Variants in F5 observed in about 807,000 individuals in gnomAD.
The protein encoded by F5 is activated protein c cofactor.
In F5, 138 loss-of-function variants were observed where a neutral mutation model predicts 216.4. The observed-to-expected ratio is 0.64, with a 90% CI of 0.56 to 0.73. The LOEUF is 0.73. F5 is among the 30% of genes least tolerant of loss of function. The pLI, the probability that F5 is intolerant of heterozygous loss-of-function variation, is 0.00. For synonymous variants in F5, 916 were observed against 930.7 expected, an observed-to-expected ratio of 0.98 and a Z score of 0.29; for missense variants, 2,403 against 2,674.0, an observed-to-expected ratio of 0.90 and a Z score of 2.24.
chr1:169,560,828 C>G, intron 3 of F5, 62 bp from the exon 4 acceptor site: 1 of 1,479,528 alleles, frequency 6.8e-7, no homozygotes, highest in South Asian at 1.1e-5. Flanking sequence ...TTTCACCACT[C>G]TCAAATCTGG....
intron 21 of F5, among the ~76,000 whole-genome samples, chr1:169,521,233 C>T (rs1433161902): frequency 2.0e-5 from 3 of 152,184 alleles, no homozygotes; most frequent in African/African-American, 7.2e-5. Flanking sequence ...GGAGCCTAGA[C>T]TTCTATGCTC....
intron 3 of F5, among the ~76,000 whole-genome samples, chr1:169,569,420 A>C (rs1280577406): frequency 6.6e-6 from 1 of 152,112 alleles, no homozygotes; most frequent in Non-Finnish European, 1.5e-5. Flanking sequence ...ATATAACTAA[A>C]AGAAAAGAAT....
intron 21 of F5, 37 bp from the exon 22 acceptor site, chr1:169,520,701 G>T (rs777954671): frequency 7.0e-6 from 11 of 1,564,530 alleles, no homozygotes; most frequent in Middle Eastern, 1.7e-4. Flanking sequence ...ATGTAACAAT[G>T]ATCTATAAAG....
chr1:169,534,643 G>A (rs1659665086), intron 14 of F5, among the ~76,000 whole-genome samples: 1 of 151,516 alleles, frequency 6.6e-6, no homozygotes, highest in South Asian at 2.1e-4. Flanking sequence ...ACTCCAGCCT[G>A]GGCGACAGAG....
chr1:169,559,015 A>C (rs1042612838), intron 5 of F5, 138 bp downstream of exon 5: 4 of 937,050 alleles, frequency 4.3e-6, no homozygotes, highest in Non-Finnish European at 3.3e-6. Flanking sequence ...TAAAAAAAAA[A>C]AGAGAAAATA....
intron 2 of F5, among the ~76,000 whole-genome samples, chr1:169,580,641 C>T (rs1373756115): frequency 6.6e-6 from 1 of 151,904 alleles, no homozygotes; most frequent in Non-Finnish European, 1.5e-5. Context: ...GCCTTGGCCT[C>T]CCAAAGTGCA....
In F5 at chr1:169,550,677, C is replaced by T. The variant is rs761630241; in HGVS notation, c.1359G>A (p.Ser453=). 14 of 1,613,910 alleles carry T rather than the reference C, an allele frequency of 8.7e-6. No individual in the cohort carries two copies. Among genetic ancestry groups the T allele is most frequent in the Admixed American group, 8.3e-5 (5 of 60,002 alleles). Residue 453 remains serine (S), a synonymous_variant, in exon 9 of 25, where the codon TCG becomes TCA. Transcript: ENST00000367797. ...YSIYPHGVTF[S]PYEDEVNSSF... is the part of the protein sequence containing the mutation. Reference sequence around the variant, plus strand: ...AAGAGTTGACTTCATCTTCATAAGGCGAGAAGGTCACTCCATGAGGGTAAA... The same window carrying T: ...AAGAGTTGACTTCATCTTCATAAGGTGAGAAGGTCACTCCATGAGGGTAAA...
chr1:169,569,098 A>C (rs1246380083), intron 3 of F5, among the ~76,000 whole-genome samples: 4 of 152,088 alleles, frequency 2.6e-5, no homozygotes, highest in Non-Finnish European at 5.9e-5. Context: ...AAATATACAA[A>C]CTATAGCCGT....
intron 3 of F5, among the ~76,000 whole-genome samples, chr1:169,568,224 T>C (rs1454382936): frequency 6.6e-6 from 1 of 152,142 alleles, no homozygotes; most frequent in Non-Finnish European, 1.5e-5. Flanking sequence ...ATGAATGATG[T>C]TAATTAAGTT....
chr1:169,521,422 G>A (rs1186312976), intron 21 of F5, among the ~76,000 whole-genome samples: 1 of 152,122 alleles, frequency 6.6e-6, no homozygotes, highest in African/African-American at 2.4e-5. Context: ...TTCTTAGGTG[G>A]CAATGGAGTG....
intron 23 of F5, among the ~76,000 whole-genome samples, chr1:169,516,477 T>C (rs1218491683): frequency 2.6e-5 from 4 of 152,240 alleles, no homozygotes; most frequent in Non-Finnish European, 4.4e-5. Context: ...TGTGTATATA[T>C]AGGTGTATGT....
At chr1:169,551,924 A>G (rs1269611006) in intron 8 of F5, among the ~76,000 whole-genome samples, 1 of 152,244 alleles carries the variant, frequency 6.6e-6, no homozygotes, top group Non-Finnish European at 1.5e-5. Context: ...AGAGAGCTGC[A>G]TACCTAGACT....
At chr1:169,562,204 T>C (rs7540556) in intron 3 of F5, among the ~76,000 whole-genome samples, 104,517 of 152,062 alleles carry the variant, frequency 0.69, 37,530 homozygotes, top group African/African-American at 0.89. Context: ...CAATGCCCTC[T>C]GGGCCCAGAC....
intron 2 of F5, among the ~76,000 whole-genome samples, chr1:169,580,632 C>T (rs969691153): frequency 6.6e-6 from 1 of 152,050 alleles, no homozygotes; most frequent in East Asian, 1.9e-4. Flanking sequence ...GATCCATCTG[C>T]CTTGGCCTCC....
rs1376064319 is a variant in F5 at position 169,555,268 on chromosome 1, C to A, written c.1032G>T (p.Arg344Ser). Reference protein sequence around the residue: ...RNLKKITREQRRHMKRWEYFI... With the variant: ...RNLKKITREQSRHMKRWEYFI... ...AGTATTCCCACCTCTTCATGTGCCG[C>A]CTCTGCTCACGAGTTATTTTCTTAA... The change falls in exon 7 of 25, where the codon AGG becomes AGT. Residue 344 changes from arginine to serine, a missense_variant. This residue lies in a region of F5 where 1,425 missense variants were observed against 1,554.8 expected (regional missense o/e 0.92). Transcript: ENST00000367797. The A allele has an allele frequency of 6.2e-7, 1 of 1,614,108 alleles. No homozygotes were observed. The highest frequency in any genetic ancestry group is 1.3e-5 in the African/African-American group (1 of 75,018).
intron 10 of F5, 92 bp from the exon 11 acceptor site, chr1:169,546,684 A>T (rs961544563): frequency 5.5e-6 from 6 of 1,097,476 alleles, no homozygotes; most frequent in African/African-American, 1.5e-5. Context: ...CTGCGCACCT[A>T]CAACTATCTG....
intron 9 of F5, among the ~76,000 whole-genome samples, chr1:169,550,286 C>A (rs1660133625): frequency 1.4e-5 from 1 of 73,730 alleles, no homozygotes; most frequent in Non-Finnish European, 2.4e-5. Flanking sequence ...CCCCCGCCCC[C>A]CACCCCCCCC....
In F5 at chr1:169,513,476, A is replaced by T. The variant is rs1161644575; in HGVS notation, c.*837T>A. Among the ~76,000 whole-genome samples the T allele has an allele frequency of 2.0e-5, 3 of 152,140 alleles. No individual in the cohort carries two copies. The highest frequency in any genetic ancestry group is 7.2e-5 in the African/African-American group (3 of 41,450). On this transcript the variant is annotated 3_prime_UTR_variant, in exon 25 of 25. Transcript: ENST00000367797. ...AGGCCATAGAGAGGAAGGCCCTGAA[A>T]GAAAACTTTAACTGCTTGCCAGTTT...
chr1:169,530,472 A>G lies in F5; in HGVS notation c.5208+314T>C, dbSNP rs111970285. Among the ~76,000 whole-genome samples, 96 of 152,368 alleles carry G rather than the reference A, an allele frequency of 6.3e-4. 1 individual carries two copies. Among genetic ancestry groups the G allele is most frequent in the African/African-American group, 2.3e-3 (95 of 41,596 alleles). On this transcript the variant is annotated intron_variant, in intron 15 of 24. Transcript: ENST00000367797. ...GTTCTTTTCATAAAGAAAGAGCAGA[A>G]CATAGCTAATACTTGTTCAAGAAAA... is the stretch of plus-strand genomic sequence containing the variant.
Sources: gnomAD v4.1 joint callset for allele counts (sites outside exome capture counted in the v4.1 genomes callset) on GRCh38, gnomAD v4.1.1 for gene constraint, gnomAD v4.1.1 regional missense constraint, MANE v1.5 for transcripts, NCBI Gene and HGNC (gene_info 2026-07-23, HGNC 2026-07-21) for gene names.